The following ING3 variants were observed in gnomAD, a reference collection of about 807,000 sequenced individuals.
ING3 encodes inhibitor of growth protein 3.
In ING3, 6 loss-of-function variants were observed where a neutral mutation model predicts 64.8. The ratio of observed to expected loss-of-function variants is 0.09; its 90% confidence interval spans 0.05 to 0.18. The LOEUF (loss-of-function observed/expected upper bound fraction) is 0.18. ING3 is among the 10% of genes least tolerant of loss of function. The pLI is 1.00. For missense variants in ING3, 310 were observed against 489.7 expected (o/e 0.63, Z 3.46); for synonymous variants, 170 against 173.7 (o/e 0.98, Z 0.17).
At chr7:120,959,898 G>A (rs1479242603) in intron 4 of ING3, among the ~76,000 whole-genome samples, 2 of 151,990 alleles carry the variant, frequency 1.3e-5, no homozygotes, top group Non-Finnish European at 2.9e-5. Context: ...GCCCGCCTCG[G>A]CCTCCCAAAG....
At chr7:120,960,025 G>A (rs1795910564) in intron 4 of ING3, among the ~76,000 whole-genome samples, 1 of 152,166 alleles carries the variant, frequency 6.6e-6, no homozygotes, top group African/African-American at 2.4e-5. Flanking sequence ...GAGAGGAAGG[G>A]GGAGAAAGGG....
intron 4 of ING3, chr7:120,956,092 G>A (rs1795842074): frequency 1.0e-6 from 1 of 1,002,410 alleles, no homozygotes; most frequent in Admixed American, 1.8e-5. Context: ...AAGATCGTAT[G>A]TAACAGCTGT....
At chr7:120,963,175 G>A (rs1009510734) in intron 4 of ING3, among the ~76,000 whole-genome samples, 1 of 152,050 alleles carries the variant, frequency 6.6e-6, no homozygotes, top group Non-Finnish European at 1.5e-5. Context: ...ACTATTATTG[G>A]AAAGGAAGTT....
In ING3 at chr7:120,963,596, G is replaced by A. The variant is rs146794818; in HGVS notation, c.268-1146G>A. Among the ~76,000 whole-genome samples, 944 of 152,108 alleles carry A rather than the reference G, an allele frequency of 6.2e-3. 18 individuals are homozygous for A. The highest frequency in any genetic ancestry group is 0.021 in the African/African-American group (885 of 41,492). On this transcript the variant is annotated intron_variant, in intron 4 of 11. Transcript: ENST00000315870. Reference sequence around the variant, plus strand: ...GGCATATTACTTAAGTAACCCTTCCGAGCCTTAATTTCTTCACCTATAAAG... The same window carrying A: ...GGCATATTACTTAAGTAACCCTTCCAAGCCTTAATTTCTTCACCTATAAAG...
At chr7:120,961,682 T>C (rs758032702) in intron 4 of ING3, among the ~76,000 whole-genome samples, 7 of 152,178 alleles carry the variant, frequency 4.6e-5, no homozygotes, top group Non-Finnish European at 1.0e-4. Flanking sequence ...TGATCATGAG[T>C]GTGTTAACAA....
chr7:120,968,173 C>T lies in ING3; in HGVS notation c.714+82C>T, dbSNP rs1009561754. ...CCTAATAGAAATAACGGGATGTGAA[C>T]AAATAGTTTTCTAACGTTGTATATT... On this transcript the variant is annotated intron_variant, in intron 8 of 11. Transcript: ENST00000315870. 6.6e-6 allele frequency: 8 copies of T among 1,220,218 alleles called. No individual in the cohort carries two copies. In the African/African-American group the frequency reaches 9.2e-5, roughly 14 times the overall value. 75.6% of individuals were successfully genotyped at this position (1,220,218 alleles called of 1,614,324 possible).
rs759143530 is a variant in ING3 at position 120,951,218 on chromosome 7, T to C, written c.83T>C (p.Met28Thr). The change falls in exon 2 of 12, where the codon ATG becomes ACG. Residue 28 changes from methionine (M) to threonine (T), a missense_variant. This residue lies in a region of ING3 where 53 missense variants were observed against 116.2 expected (regional missense o/e 0.46). Transcript: ENST00000315870. ...LRDRFTEMRE[M>T]DLQVQNAMDQ... ...GACCGCTTCACGGAAATGCGCGAGA[T>C]GGACCTGCAGGTGCAGAGTAAGTCG... 1 of 1,614,168 alleles carries C rather than the reference T, an allele frequency of 6.2e-7. No homozygotes were observed. Among genetic ancestry groups the C allele is most frequent in the East Asian group, 2.2e-5 (1 of 44,882 alleles).
At chr7:120,966,436 G>A (rs1341015484) in intron 5 of ING3, among the ~76,000 whole-genome samples, 190 bp from the exon 6 acceptor site, 1 of 152,172 alleles carries the variant, frequency 6.6e-6, no homozygotes, top group Non-Finnish European at 1.5e-5. Context: ...TGTTTAGAGA[G>A]AGGATAACTC....
rs757880829 is a variant in ING3, at chr7:120,970,760, A to T, written c.981A>T (p.Ser327=). ...CTTCTTCCTTATCATCGTGTTCTTC[A>T]TCATCAACTGTTGTACAAGAAATCT... ...SSSSSLSSCS[S]SSTVVQEISQ... Residue 327 remains serine, a synonymous_variant, in exon 10 of 12, where the codon TCA becomes TCT. Transcript: ENST00000315870. 2 of 1,613,338 alleles carry T rather than the reference A, an allele frequency of 1.2e-6. No homozygotes were observed. The highest frequency in any genetic ancestry group is 2.7e-5 in the African/African-American group (2 of 74,924).
intron 9 of ING3, among the ~76,000 whole-genome samples, chr7:120,969,729 G>A (rs10464522): frequency 0.11 from 16,539 of 152,016 alleles, 1,335 homozygotes; most frequent in East Asian, 0.3. Flanking sequence ...AAACCTAATA[G>A]CATTTATCAC....
chr7:120,966,638 T>C lies in ING3; in HGVS notation c.377T>C (p.Leu126Ser), dbSNP rs1416724046. ...TCTCTTCTTTTAGGATCTTTGGAAT[T>C]AGACACTCCTTCACAGCCAGTGAAC... ...TEILERRSLE[L>S]DTPSQPVNNH... Residue 126 changes from leucine (L) to serine (S), a missense_variant, in exon 6 of 12, where the codon TTA (leucine) becomes TCA (serine). Leu to Ser is a moderately radical substitution (Grantham distance 145). Around this residue, in one of 3 missense-constraint regions of ING3, gnomAD observed 233 missense variants for 289.4 expected, o/e 0.81. Coordinates refer to ENST00000315870, the MANE Select transcript of ING3 (RefSeq NM_019071.3). The C allele has an allele frequency of 6.2e-7, 1 of 1,612,946 alleles. No individual in the cohort carries two copies. The highest frequency in any genetic ancestry group is 8.5e-7 in the Non-Finnish European group (1 of 1,178,918).
chr7:120,957,115 T>G (rs1261489835), intron 4 of ING3: 1 of 155,880 alleles, frequency 6.4e-6, no homozygotes, highest in Non-Finnish European at 1.4e-5. Flanking sequence ...CTCACGCCTG[T>G]AATCCCAGCA....
At chr7:120,951,021 C>T (rs1341161808) in intron 1 of ING3, 97 bp downstream of exon 1, 27 of 643,594 alleles carry the variant, frequency 4.2e-5, no homozygotes, top group Non-Finnish European at 7.1e-5. Context: ...GAGGGGGCGG[C>T]GGGGGATGTT....
Position 120,975,288 on chromosome 7 carries a change from AAAGTC to A in ING3, c.*446_*450del, listed in dbSNP as rs1796120673. 1.3e-5 allele frequency: 2 copies of A among 152,176 alleles called. No homozygotes were observed. The highest frequency in any genetic ancestry group is 2.4e-5 in the African/African-American group (1 of 41,444). 9.4% of individuals were successfully genotyped at this position (152,176 alleles called of 1,614,324 possible). On this transcript the variant is annotated 3_prime_UTR_variant, in exon 12 of 12. Transcript: ENST00000315870. ...ATATAAATGGTTGCAAAAAAAAAAA[AAAGTC>A]AGTGCTTCTAAAAAGAATTTAAGAT...
rs1795759202 is a variant in ING3, at chr7:120,951,206, A to T, written c.71A>T (p.Glu24Val). 1 of 1,614,002 alleles carries T rather than the reference A, an allele frequency of 6.2e-7. No individual in the cohort carries two copies. The highest frequency in any genetic ancestry group is 8.5e-7 in the Non-Finnish European group (1 of 1,180,030). Residue 24 changes from glutamate (E) to valine (V), a missense_variant, in exon 2 of 12, where the codon GAA becomes GTA. Glu to Val is a moderately radical substitution (Grantham distance 121). Coordinates refer to ENST00000315870, the MANE Select transcript of ING3 (RefSeq NM_019071.3). ...ATGGATCTGCGGGACCGCTTCACGGAAATGCGCGAGATGGACCTGCAGGTG... is the reference window on the plus strand; with the variant it reads ...ATGGATCTGCGGGACCGCTTCACGGTAATGCGCGAGATGGACCTGCAGGTG... ...LPMDLRDRFTEMREMDLQVQN... is the reference protein window; with the variant it reads ...LPMDLRDRFTVMREMDLQVQN...
intron 4 of ING3, among the ~76,000 whole-genome samples, chr7:120,961,564 G>C (rs1795934082): frequency 6.6e-6 from 1 of 152,170 alleles, no homozygotes; most frequent in African/African-American, 2.4e-5. Context: ...GAAAACCAGA[G>C]AGTCAAAAAA....
intron 8 of ING3, 145 bp from the exon 9 acceptor site, chr7:120,968,866 G>C: frequency 3.2e-6 from 1 of 315,030 alleles, no homozygotes; most frequent in Non-Finnish European, 5.4e-6. Context: ...AAAAAAAAAA[G>C]CTTAAATTCC....
At chr7:120,951,011 G>A in intron 1 of ING3, 87 bp downstream of exon 1, 1 of 1,352,084 alleles carries the variant, frequency 7.4e-7, no homozygotes, top group Non-Finnish European at 1.1e-6. Flanking sequence ...TGGCGGGAGG[G>A]AGGGGGCGGC....
intron 3 of ING3, 86 bp from the exon 4 acceptor site, chr7:120,955,473 T>C (rs747588271): frequency 2.2e-4 from 195 of 879,820 alleles, no homozygotes; most frequent in Non-Finnish European, 3.1e-4. Context: ...TAACAAGATA[T>C]GATAATGAAA....
Sources: gnomAD v4.1 joint callset for allele counts (sites outside exome capture counted in the v4.1 genomes callset) on GRCh38, gnomAD v4.1.1 for gene constraint, gnomAD v4.1.1 regional missense constraint, MANE v1.5 for transcripts, NCBI Gene and HGNC (gene_info 2026-07-23, HGNC 2026-07-21) for gene names.